DIP2C: variants seen among roughly 807,000 people sequenced by gnomAD.
DIP2C encodes the protein disco-interacting protein 2 homolog C.
DIP2C carries 33 observed loss-of-function variants against 192.4 expected under a neutral mutation model. The ratio of observed to expected loss-of-function variants is 0.17; its 90% confidence interval spans 0.13 to 0.23. The LOEUF (loss-of-function observed/expected upper bound fraction) is 0.23. DIP2C is among the 10% of genes least tolerant of loss of function. The probability of loss-of-function intolerance (pLI) is 1.00; values close to 1 mark genes in which losing one functional copy is unlikely to be tolerated. For missense variants in DIP2C, 1,537 were observed against 2,110.1 expected (o/e 0.73, Z 5.32); for synonymous variants, 979 against 864.1 (o/e 1.13, Z -2.33).
rs1958011163 is a variant in DIP2C at position 338,955 on chromosome 10, C to CT, written c.3584+2243dup. Among the ~76,000 whole-genome samples the CT allele has an allele frequency of 2.0e-5, 3 of 152,096 alleles. No homozygotes were observed. In the South Asian group the frequency reaches 6.2e-4, roughly 32 times the overall value. On this transcript the variant is annotated intron_variant, in intron 29 of 36. Coordinates refer to ENST00000280886, the MANE Select transcript of DIP2C (RefSeq NM_014974.3). ...CCCTGCCTGGCTCCCACAATGCACC[C>CT]TGCCTGGCTCCCACAGCCCACGCCA...
chr10:291,766 T>C (rs1955508255), intron 32 of DIP2C, among the ~76,000 whole-genome samples: 2 of 152,222 alleles, frequency 1.3e-5, no homozygotes, highest in African/African-American at 4.8e-5. Flanking sequence ...CTGAAGTGCT[T>C]GTGGTGCGTG....
intron 1 of DIP2C, among the ~76,000 whole-genome samples, chr10:679,772 C>T (rs567669755): frequency 6.6e-6 from 1 of 152,110 alleles, no homozygotes; most frequent in Non-Finnish European, 1.5e-5. Flanking sequence ...TCCCCGCACC[C>T]GTGCTCCCCG....
chr10:566,383 TG>T (rs1248235133), intron 1 of DIP2C, among the ~76,000 whole-genome samples: 1 of 152,226 alleles, frequency 6.6e-6, no homozygotes, highest in East Asian at 1.9e-4. Flanking sequence ...CCGGTTCACC[TG>T]GTGCATGAGC....
chr10:571,664 A>G (rs1416408008), intron 1 of DIP2C, among the ~76,000 whole-genome samples: 1 of 152,242 alleles, frequency 6.6e-6, no homozygotes, highest in Non-Finnish European at 1.5e-5. Context: ...TAATGAACAG[A>G]AACGTGTTTT....
intron 1 of DIP2C, among the ~76,000 whole-genome samples, chr10:600,774 T>C (rs1588565132): frequency 6.6e-6 from 1 of 152,256 alleles, no homozygotes; most frequent in Non-Finnish European, 1.5e-5. Flanking sequence ...AGGAGTATCG[T>C]TGTGGACAAA....
intron 4 of DIP2C, among the ~76,000 whole-genome samples, chr10:424,958 C>G (rs1363718553): frequency 4.7e-5 from 7 of 147,426 alleles, no homozygotes; most frequent in Non-Finnish European, 7.6e-5. Context: ...ACAGATGATA[C>G]AGCATGACCA....
At chr10:409,713 C>T (rs1049846159) in intron 8 of DIP2C, among the ~76,000 whole-genome samples, 3 of 152,212 alleles carry the variant, frequency 2.0e-5, no homozygotes, top group South Asian at 2.1e-4. Flanking sequence ...AAAACTGCCT[C>T]GAGAGGCTCC....
intron 1 of DIP2C, among the ~76,000 whole-genome samples, chr10:556,471 C>A (rs939347278): frequency 2.0e-5 from 3 of 148,588 alleles, no homozygotes; most frequent in African/African-American, 7.5e-5. Context: ...GGGGGATCCA[C>A]ACGCCCTGGC....
At chr10:352,684 A>AC (rs1687269843) in intron 24 of DIP2C, among the ~76,000 whole-genome samples, 1 of 152,104 alleles carries the variant, frequency 6.6e-6, no homozygotes, top group Non-Finnish European at 1.5e-5. Context: ...ACTGGACCCC[A>AC]CCGTTGGCTG....
chr10:578,237 A>G (rs905965045), intron 1 of DIP2C, among the ~76,000 whole-genome samples: 1 of 152,234 alleles, frequency 6.6e-6, no homozygotes, highest in Admixed American at 6.5e-5. Flanking sequence ...TGCATTTGTC[A>G]TGAACTGTTT....
intron 1 of DIP2C, among the ~76,000 whole-genome samples, chr10:489,370 T>C (rs896742589): frequency 1.9e-4 from 29 of 152,116 alleles, no homozygotes; most frequent in Non-Finnish European, 7.4e-5. Flanking sequence ...AGGTGACAGG[T>C]AGATAATAGA....
At chr10:484,957 A>G (rs1843902125) in intron 2 of DIP2C, 1 of 1,600,972 alleles carries the variant, frequency 6.2e-7, no homozygotes. Flanking sequence ...TGCTGTAACA[A>G]GTTGAAAAAA....
At chr10:506,520 C>A (rs1845603812) in intron 1 of DIP2C, among the ~76,000 whole-genome samples, 1 of 152,150 alleles carries the variant, frequency 6.6e-6, no homozygotes, top group African/African-American at 2.4e-5. Flanking sequence ...TCACAGAGCA[C>A]AGTTCATCTC....
Position 425,947 on chromosome 10 carries a change from T to C in DIP2C, c.395-2914A>G, listed in dbSNP as rs1966571240. 2.0e-5 allele frequency among the ~76,000 whole-genome samples: 3 copies of C among 152,180 alleles called. No homozygotes were observed. In the South Asian group the frequency reaches 6.2e-4, roughly 32 times the overall value. On this transcript the variant is annotated intron_variant, in intron 4 of 36. Transcript: ENST00000280886. ...ACAATAGAAGGCGTTTTCCCTAAGA[T>C]GGAGAACAAGACAAAGATGTCCCCT...
At chr10:331,240 T>C (rs1046994196) in intron 29 of DIP2C, among the ~76,000 whole-genome samples, 14 of 152,198 alleles carry the variant, frequency 9.2e-5, no homozygotes, top group Non-Finnish European at 2.9e-5. Flanking sequence ...TTCATAATTG[T>C]TTATAAGAGA....
intron 29 of DIP2C, among the ~76,000 whole-genome samples, chr10:333,306 G>A (rs745588874): frequency 1.3e-5 from 2 of 152,208 alleles, no homozygotes; most frequent in Non-Finnish European, 2.9e-5. Context: ...TTGAAGAGTT[G>A]TAAAATGGTC....
chr10:305,972 A>AATATATATATATATATATAT (rs35830495), intron 32 of DIP2C, among the ~76,000 whole-genome samples: 7 of 146,288 alleles, frequency 4.8e-5, no homozygotes, highest in African/African-American at 1.8e-4. Context: ...AATGCAGACA[A>AATATATATATATATATATAT]ATATATATAT....
chr10:380,194 TGCA>T (rs1328774297), intron 17 of DIP2C, among the ~76,000 whole-genome samples: 1 of 135,208 alleles, frequency 7.4e-6, no homozygotes, highest in South Asian at 2.6e-4. Context: ...ATGGTTAACG[TGCA>T]GAAGAGGCTC....
intron 1 of DIP2C, chr10:662,912 G>A (rs553941731): frequency 2.2e-5 from 16 of 717,488 alleles, no homozygotes; most frequent in Middle Eastern, 2.3e-4. Context: ...GAACACTCTC[G>A]GGAGAGGTGG....
Sources: gnomAD v4.1 joint callset for allele counts (sites outside exome capture counted in the v4.1 genomes callset) on GRCh38, gnomAD v4.1.1 for gene constraint, MANE v1.5 for transcripts, NCBI Gene and HGNC (gene_info 2026-07-23, HGNC 2026-07-21) for gene names.